The following KIAA2012 variants were observed in gnomAD, a reference collection of about 807,000 sequenced individuals.
The protein encoded by KIAA2012 is uncharacterized protein KIAA2012.
A neutral mutation model predicts 150.6 loss-of-function variants in KIAA2012; 125 were observed. That is an observed-to-expected ratio of 0.83 (90% CI 0.72 to 0.96). The LOEUF (loss-of-function observed/expected upper bound fraction) is 0.96, where lower values mean the gene tolerates loss of function less well. Ranked by LOEUF, KIAA2012 falls within the 40% of genes least tolerant of loss-of-function variation. KIAA2012 has a pLI of 0.00. For synonymous variants in KIAA2012, 462 were observed against 504.7 expected (o/e 0.92, Z 1.13); for missense variants, 1,219 against 1,354.9 (o/e 0.90, Z 1.57).
At chr2:202,076,302 T>C (rs894241048) in intron 2 of KIAA2012, among the ~76,000 whole-genome samples, 3 of 152,164 alleles carry the variant, frequency 2.0e-5, no homozygotes, top group Admixed American at 6.5e-5. Flanking sequence ...CCCACAAATG[T>C]TTGTGGAATT....
intron 12 of KIAA2012, among the ~76,000 whole-genome samples, chr2:202,128,820 C>T (rs1417555288): frequency 1.3e-5 from 2 of 151,222 alleles, no homozygotes; most frequent in African/African-American, 4.9e-5. Flanking sequence ...TCTTTCACAA[C>T]TTAGAACCTT....
At chr2:202,130,563 A>C (rs56301718) in intron 12 of KIAA2012, among the ~76,000 whole-genome samples, 44,852 of 152,100 alleles carry the variant, frequency 0.29, 6,794 homozygotes, top group South Asian at 0.33. Flanking sequence ...GTAATTCTTA[A>C]ATAGTATTTT....
chr2:202,159,263 A>G (rs117326708), intron 14 of KIAA2012, among the ~76,000 whole-genome samples: 1 of 152,220 alleles, frequency 6.6e-6, no homozygotes, highest in East Asian at 1.9e-4. Context: ...ACGTGCCTTG[A>G]TGACCACTTG....
At chr2:202,198,558 C>G (rs1574319293) in intron 22 of KIAA2012, among the ~76,000 whole-genome samples, 1 of 152,178 alleles carries the variant, frequency 6.6e-6, no homozygotes, top group Admixed American at 6.5e-5. Flanking sequence ...TTCTCCTACA[C>G]TAGTGATTAT....
intron 13 of KIAA2012, among the ~76,000 whole-genome samples, chr2:202,141,596 C>G (rs973921349): frequency 2.0e-5 from 3 of 152,202 alleles, no homozygotes; most frequent in Non-Finnish European, 4.4e-5. Flanking sequence ...AGCTGCAGTC[C>G]TGAAGGTACA....
chr2:202,163,417 T>C (rs527665903), intron 14 of KIAA2012, among the ~76,000 whole-genome samples: 63 of 152,334 alleles, frequency 4.1e-4, no homozygotes, highest in African/African-American at 1.5e-3. Flanking sequence ...TGTATTCTTA[T>C]ATCTAAAAAA....
Position 202,205,062 on chromosome 2 carries a change from T to G in KIAA2012, c.*85T>G, listed in dbSNP as rs1381020865. 6.6e-6 allele frequency: 1 copy of G among 152,248 alleles called. No individual in the cohort carries two copies. The highest frequency in any genetic ancestry group is 6.5e-5 in the Admixed American group (1 of 15,280). 9.4% of individuals were successfully genotyped at this position (152,248 alleles called of 1,614,324 possible). A position where few individuals can be genotyped will look rare whatever the true frequency, so the allele number is the denominator to read the frequency against. The stretch of plus-strand genomic sequence containing the variant: ...TCCCTAAATGTTATTCAAGGTCCCT[T>G]CAGAAATCTGATAATCTGTTAAAAT... On this transcript the variant is annotated 3_prime_UTR_variant, in exon 24 of 24. Coordinates refer to ENST00000498697, the MANE Select transcript of KIAA2012 (RefSeq NM_001277372.4).
chr2:202,102,892 G>C (rs552473457), intron 7 of KIAA2012, 54 bp from the exon 8 acceptor site: 43 of 1,493,610 alleles, frequency 2.9e-5, no homozygotes, highest in Non-Finnish European at 3.8e-5. Flanking sequence ...TGCCCCTGCA[G>C]GCAGCAGGGT....
chr2:202,103,418 A>G (rs965852335), intron 8 of KIAA2012, among the ~76,000 whole-genome samples: 5 of 152,222 alleles, frequency 3.3e-5, no homozygotes. Flanking sequence ...AAAGGGCAAG[A>G]ATTTTTCAGG....
chr2:202,178,568 G>A (rs1159631277), intron 15 of KIAA2012: 1 of 152,412 alleles, frequency 6.6e-6, no homozygotes, highest in Non-Finnish European at 1.5e-5. Flanking sequence ...CTGTCCCAGA[G>A]TTCAAAATAG....
intron 12 of KIAA2012, among the ~76,000 whole-genome samples, chr2:202,130,715 G>A (rs1483444728): frequency 6.6e-6 from 1 of 152,160 alleles, no homozygotes; most frequent in South Asian, 2.1e-4. Flanking sequence ...TCAGGAGTTC[G>A]AGACCAGGTT....
At chr2:202,198,571 T>C (rs927218352) in intron 22 of KIAA2012, among the ~76,000 whole-genome samples, 1 of 152,228 alleles carries the variant, frequency 6.6e-6, no homozygotes, top group Non-Finnish European at 1.5e-5. Flanking sequence ...GTGATTATCA[T>C]TGCATCTTTC....
At chr2:202,127,408 T>G (rs1690820543) in intron 12 of KIAA2012, among the ~76,000 whole-genome samples, 2 of 152,184 alleles carry the variant, frequency 1.3e-5, no homozygotes, top group African/African-American at 4.8e-5. Flanking sequence ...AAACAGCTGC[T>G]CTGAGGGACT....
intron 15 of KIAA2012, among the ~76,000 whole-genome samples, chr2:202,173,208 C>T (rs1341467115): frequency 1.3e-5 from 2 of 152,184 alleles, no homozygotes; most frequent in African/African-American, 4.8e-5. Context: ...AAGCTCATTT[C>T]TAACAAGAGA....
intron 14 of KIAA2012, among the ~76,000 whole-genome samples, chr2:202,160,313 C>CTT (rs774846619): frequency 0.13 from 16,290 of 122,096 alleles, 1,456 homozygotes; most frequent in Non-Finnish European, 0.17. Flanking sequence ...TTCATAAGGT[C>CTT]TTTTTTTTTT....
chr2:202,118,646 A>G (rs1469684006), intron 11 of KIAA2012, among the ~76,000 whole-genome samples: 1 of 152,236 alleles, frequency 6.6e-6, no homozygotes, highest in Non-Finnish European at 1.5e-5. Flanking sequence ...TACAAAAATT[A>G]CAGGAGATTC....
chr2:202,196,714 A>G (rs767690318), intron 21 of KIAA2012, 86 bp from the exon 22 acceptor site: 6 of 1,484,292 alleles, frequency 4.0e-6, no homozygotes, highest in Admixed American at 2.4e-5. Flanking sequence ...GGAGTCCTTC[A>G]GAATCACAGA....
intron 18 of KIAA2012, among the ~76,000 whole-genome samples, chr2:202,188,481 C>G (rs1373223752): frequency 6.6e-6 from 1 of 151,956 alleles, no homozygotes; most frequent in African/African-American, 2.4e-5. Context: ...CTGTGATCAC[C>G]AAGAAAGGAA....
intron 21 of KIAA2012, 144 bp downstream of exon 21, chr2:202,194,506 T>TCA: frequency 1.6e-6 from 1 of 625,824 alleles, no homozygotes; most frequent in Admixed American, 4.9e-5. Context: ...TCAAAGTGAT[T>TCA]ATGTATGACT....
Sources: gnomAD v4.1 joint callset for allele counts (sites outside exome capture counted in the v4.1 genomes callset) on GRCh38, gnomAD v4.1.1 for gene constraint, MANE v1.5 for transcripts, NCBI Gene and HGNC (gene_info 2026-07-23, HGNC 2026-07-21) for gene names.